The following FGGY variants were observed in gnomAD, a reference collection of about 807,000 sequenced individuals.
FGGY encodes FGGY carbohydrate kinase domain-containing protein.
FGGY carries 72 observed loss-of-function variants against 71.3 expected under a neutral mutation model. The ratio of observed to expected loss-of-function variants is 1.01; its 90% CI spans 0.84 to 1.23. The LOEUF is 1.23. Ranked by LOEUF, FGGY falls within the 50% of genes most tolerant of loss-of-function variation. FGGY has a pLI of 0.00. For missense variants in FGGY, 668 were observed against 682.3 expected, an observed-to-expected ratio of 0.98 and a Z score of 0.23; for synonymous variants, 251 against 250.3, an observed-to-expected ratio of 1.00 and a Z score of -0.02.
intron 14 of FGGY, among the ~76,000 whole-genome samples, chr1:59,750,216 G>A (rs1052974521): frequency 3.3e-5 from 5 of 152,092 alleles, no homozygotes; most frequent in African/African-American, 1.2e-4. Flanking sequence ...GAATTATAAA[G>A]CTTCCACTCC....
At chr1:59,467,856 G>T (rs1442529327) in intron 6 of FGGY, among the ~76,000 whole-genome samples, 1 of 151,648 alleles carries the variant, frequency 6.6e-6, no homozygotes, top group East Asian at 1.9e-4. Context: ...TTTTTTTTAA[G>T]TCCCTTGTTG....
intron 14 of FGGY, among the ~76,000 whole-genome samples, chr1:59,698,108 C>G (rs2097677828): frequency 6.6e-6 from 1 of 152,016 alleles, no homozygotes; most frequent in Admixed American, 6.6e-5. Flanking sequence ...GTACTTTTCC[C>G]TGTCCCATTG....
In FGGY at chr1:59,721,457, G is replaced by A. The variant is rs147662884; in HGVS notation, c.1513-36474G>A. On this transcript the variant is annotated intron_variant, in intron 14 of 15. Transcript: ENST00000303721. Reference sequence around the variant, plus strand: ...AGGTTCAAGCAATTCTCCTGCCTCCGCCTCCCAAGCAACTGGGAGTACAGG... The same window carrying A: ...AGGTTCAAGCAATTCTCCTGCCTCCACCTCCCAAGCAACTGGGAGTACAGG... Among the ~76,000 whole-genome samples, 530 of 146,644 alleles carry A rather than the reference G, an allele frequency of 3.6e-3. 5 individuals carry two copies. Among genetic ancestry groups the A allele is most frequent in the Non-Finnish European group, 6.5e-3 (439 of 67,276 alleles).
At position 59,341,397 on chromosome 1, in the gene FGGY, C is replaced by T. The variant is rs532674590; in HGVS notation, c.313+1328C>T. 1.3e-4 allele frequency among the ~76,000 whole-genome samples: 20 copies of T among 152,268 alleles called. No homozygotes were observed. The South Asian group carries it at 3.9e-3, about 30-fold the overall frequency. On this transcript the variant is annotated intron_variant, in intron 3 of 15. Transcript: ENST00000303721. Reference sequence around the variant, plus strand: ...ACTATAAATGATCATCTATTTGCATCCCTTTTCACTATAAGTGATCACTAT... The same window carrying T: ...ACTATAAATGATCATCTATTTGCATTCCTTTTCACTATAAGTGATCACTAT...
At chr1:59,608,132 C>A in intron 9 of FGGY, among the ~76,000 whole-genome samples, 1 of 152,160 alleles carries the variant, frequency 6.6e-6, no homozygotes, top group East Asian at 1.9e-4. Flanking sequence ...TTCTTCTCAC[C>A]TGATCTTTCC....
intron 14 of FGGY, among the ~76,000 whole-genome samples, chr1:59,683,477 C>G (rs1382314794): frequency 6.6e-6 from 1 of 152,110 alleles, no homozygotes. Flanking sequence ...AGATAAAACC[C>G]AGCTCCCCCC....
At chr1:59,474,634 A>AC (rs1300691602) in intron 6 of FGGY, among the ~76,000 whole-genome samples, 6 of 152,364 alleles carry the variant, frequency 3.9e-5, no homozygotes, top group African/African-American at 1.4e-4. Context: ...AGGTAAATTT[A>AC]CCCAATCCAT....
At chr1:59,533,898 A>T (rs2095237588) in intron 7 of FGGY, among the ~76,000 whole-genome samples, 1 of 152,222 alleles carries the variant, frequency 6.6e-6, no homozygotes, top group African/African-American at 2.4e-5. Flanking sequence ...GAGCAGAAAA[A>T]CTGGAAACTC....
rs969569085 is a variant in FGGY at position 59,328,114 on chromosome 1, C to T, written c.201+6364C>T. 9.2e-5 allele frequency among the ~76,000 whole-genome samples: 14 copies of T among 152,354 alleles called. No individual in the cohort carries two copies. In the South Asian group the frequency reaches 2.9e-3, roughly 32 times the overall value. ...CATTTGCCCCTAACAAGAGAGCCAG[C>T]TTGTCCTTTGAAGCTTTGAGGCCAG... On this transcript the variant is annotated intron_variant, in intron 2 of 15. Coordinates refer to ENST00000303721, the MANE Select transcript of FGGY (RefSeq NM_018291.5).
chr1:59,586,612 C>T (rs1042609851), intron 8 of FGGY, among the ~76,000 whole-genome samples: 1 of 152,056 alleles, frequency 6.6e-6, no homozygotes, highest in South Asian at 2.1e-4. Context: ...ACATATGTAA[C>T]AAACCTGCAC....
intron 8 of FGGY, among the ~76,000 whole-genome samples, chr1:59,605,687 C>A (rs925169499): frequency 6.6e-6 from 1 of 152,010 alleles, no homozygotes; most frequent in Non-Finnish European, 1.5e-5. Context: ...CTTCCTTCCC[C>A]CCCTTCCCAT....
At chr1:59,669,691 G>A (rs992174006) in intron 13 of FGGY, among the ~76,000 whole-genome samples, 2 of 151,906 alleles carry the variant, frequency 1.3e-5, no homozygotes, top group Non-Finnish European at 1.5e-5. Flanking sequence ...CACCGCACCC[G>A]GCCCCAATTT....
chr1:59,705,020 T>C (rs2097745055), intron 14 of FGGY, among the ~76,000 whole-genome samples: 1 of 152,198 alleles, frequency 6.6e-6, no homozygotes, highest in African/African-American at 2.4e-5. Context: ...CCATTACTAG[T>C]AAGAATGAAC....
chr1:59,421,178 GAGAC>G (rs1267830130), intron 5 of FGGY, among the ~76,000 whole-genome samples: 2 of 152,134 alleles, frequency 1.3e-5, no homozygotes, highest in Non-Finnish European at 1.5e-5. Flanking sequence ...GTAACAAAAA[GAGAC>G]AGGAGACATA....
At chr1:59,520,505 C>G (rs1158337950) in intron 7 of FGGY, among the ~76,000 whole-genome samples, 1 of 152,122 alleles carries the variant, frequency 6.6e-6, no homozygotes, top group Non-Finnish European at 1.5e-5. Flanking sequence ...AGAAAAGCAC[C>G]AATCACTCTC....
intron 9 of FGGY, among the ~76,000 whole-genome samples, chr1:59,612,491 C>T (rs7555104): frequency 4.0e-5 from 6 of 151,882 alleles, no homozygotes; most frequent in South Asian, 2.1e-4. Flanking sequence ...GAGCTCCTGA[C>T]GGAAGCACTA....
intron 11 of FGGY, among the ~76,000 whole-genome samples, chr1:59,656,381 A>G (rs1457901234): frequency 1.3e-5 from 2 of 152,116 alleles, no homozygotes; most frequent in Non-Finnish European, 2.9e-5. Flanking sequence ...TGGCACTCCC[A>G]GGGCACTGTC....
At position 59,457,075 on chromosome 1, in the gene FGGY, A is replaced by G; in HGVS notation, c.669A>G (p.Ile223Met). The G allele has an allele frequency of 6.3e-7, 1 of 1,599,198 alleles. No individual in the cohort carries two copies. The highest frequency in any genetic ancestry group is 8.6e-7 in the Non-Finnish European group (1 of 1,166,492). Residue 223 changes from isoleucine (I) to methionine (M), a missense_variant and splice_region_variant, in exon 6 of 16, where the codon ATA becomes ATG. Coordinates refer to ENST00000303721, the MANE Select transcript of FGGY (RefSeq NM_018291.5). ...EDFVADNYSK[I>M]GNQVLPPGAS... Reference sequence around the variant, plus strand: ...TTGTTGCAGATAATTACAGCAAAATAGGTAAAAGAATAAAACATCTGTAGA... The same window carrying G: ...TTGTTGCAGATAATTACAGCAAAATGGGTAAAAGAATAAAACATCTGTAGA...
intron 1 of FGGY, among the ~76,000 whole-genome samples, chr1:59,297,882 C>T (rs973991422): frequency 2.0e-5 from 3 of 151,914 alleles, no homozygotes; most frequent in Non-Finnish European, 2.9e-5. Flanking sequence ...CTGTTTTCCA[C>T]TAAAGCACTT....
Sources: gnomAD v4.1 joint callset for allele counts (sites outside exome capture counted in the v4.1 genomes callset) on GRCh38, gnomAD v4.1.1 for gene constraint, MANE v1.5 for transcripts, NCBI Gene and HGNC (gene_info 2026-07-23, HGNC 2026-07-21) for gene names.